Variants in CEP350 observed in about 807,000 individuals in gnomAD.
CEP350 encodes the protein centrosomal protein 350.
In CEP350, 126 loss-of-function variants were observed where a neutral mutation model predicts 331.8. The ratio of observed to expected loss-of-function variants is 0.38; its 90% CI spans 0.33 to 0.44. The LOEUF (loss-of-function observed/expected upper bound fraction) is 0.44, where lower values mean the gene tolerates loss of function less well. Among genes scored for constraint, CEP350 ranks in the 20% least tolerant of loss-of-function variants. The pLI is 1.00. For missense variants in CEP350, 3,406 were observed against 3,634.6 expected (o/e 0.94, Z 1.62); for synonymous variants, 1,200 against 1,259.5 (o/e 0.95, Z 1.00).
At chr1:180,034,127 A>T in intron 16 of CEP350, 45 bp downstream of exon 16, 4 of 1,563,108 alleles carry the variant, frequency 2.6e-6, no homozygotes, top group Non-Finnish European at 3.5e-6. Context: ...ACGATATGAA[A>T]TTTTTTTCTC....
intron 20 of CEP350, among the ~76,000 whole-genome samples, chr1:180,043,783 TG>T (rs1479225420): frequency 1.6e-5 from 2 of 127,516 alleles, no homozygotes; most frequent in Non-Finnish European, 3.8e-5. Context: ...TGTGTGTGTG[TG>T]TGTGTGTGTG....
intron 30 of CEP350, among the ~76,000 whole-genome samples, chr1:180,082,026 A>G (rs1009823641): frequency 2.0e-5 from 3 of 152,232 alleles, no homozygotes; most frequent in African/African-American, 7.2e-5. Flanking sequence ...ATAAACTTGA[A>G]TACTTGGAAA....
At position 180,020,201 on chromosome 1, in the gene CEP350, C is replaced by T. The variant is rs1199555286; in HGVS notation, c.2427C>T (p.Ala809=). 1 of 1,613,868 alleles carries T rather than the reference C, an allele frequency of 6.2e-7. No individual in the cohort carries two copies. The highest frequency in any genetic ancestry group is 2.2e-5 in the East Asian group (1 of 44,888). The part of the protein sequence containing the change: ...YVTSPAAYTD[A]LLKPSASQYK... ...CCTCACCAGCTGCTTATACAGATGC[C>T]TTGTTAAAACCTAGTGCCAGCCAAT... The change falls in exon 12 of 38, where the codon GCC becomes GCT. Residue 809 remains alanine, a synonymous_variant. Transcript: ENST00000367607.
intron 1 of CEP350, among the ~76,000 whole-genome samples, chr1:179,961,139 A>G (rs569012733): frequency 1.3e-5 from 2 of 152,284 alleles, no homozygotes; most frequent in East Asian, 1.9e-4. Flanking sequence ...TTCACTTTTC[A>G]AAGTTTTACT....
rs1489690537 is a variant in CEP350 at position 180,014,213 on chromosome 1, A to G, written c.1760A>G (p.Lys587Arg). 1 of 1,610,804 alleles carries G rather than the reference A, an allele frequency of 6.2e-7. No homozygotes were observed. The highest frequency in any genetic ancestry group is 2.2e-5 in the East Asian group (1 of 44,870). ...AATGAAGATCCCCCTGTTATTTCCA[A>G]AAGGCGCCACTATGACACAGATGAG... Reference protein sequence around the residue: ...TANEDPPVISKRRHYDTDEVR... With the variant: ...TANEDPPVISRRRHYDTDEVR... The change falls in exon 10 of 38, where the codon AAA becomes AGA. Residue 587 changes from lysine to arginine, a missense_variant. This residue lies in a region of CEP350 where 1,857 missense variants were observed against 1,909.2 expected (regional missense o/e 0.97). Transcript: ENST00000367607.
At chr1:180,002,475 AAAAAT>A (rs1653929822) in intron 6 of CEP350, among the ~76,000 whole-genome samples, 1 of 152,200 alleles carries the variant, frequency 6.6e-6, no homozygotes, top group Non-Finnish European at 1.5e-5. Context: ...CTATATCTCA[AAAAAT>A]AAAATAAAAT....
intron 37 of CEP350, among the ~76,000 whole-genome samples, chr1:180,107,249 A>G (rs951675390): frequency 7.2e-5 from 11 of 152,238 alleles, no homozygotes; most frequent in Non-Finnish European, 1.5e-4. Context: ...AAACAGATAC[A>G]CAGTATATAA....
chr1:179,974,661 G>A (rs968312115), intron 1 of CEP350, among the ~76,000 whole-genome samples: 1 of 152,170 alleles, frequency 6.6e-6, no homozygotes, highest in African/African-American at 2.4e-5. Flanking sequence ...TATGATATAT[G>A]TATGTGTGTA....
intron 11 of CEP350, among the ~76,000 whole-genome samples, chr1:180,017,456 C>G (rs1349456015): frequency 2.6e-5 from 4 of 152,188 alleles, no homozygotes; most frequent in Non-Finnish European, 4.4e-5. Context: ...CTATTGTTGT[C>G]AGACATACCC....
In CEP350 at chr1:180,014,472, G is replaced by A; in HGVS notation, c.2019G>A (p.Glu673=). Reference sequence around the variant, plus strand: ...TACTAGAAAAGACCTTGCTTGAAGAGCCATCTCATCAACATGTTACGCAGG... The same window carrying A: ...TACTAGAAAAGACCTTGCTTGAAGAACCATCTCATCAACATGTTACGCAGG... ...KLLLEKTLLE[E]PSHQHVTQET... Residue 673 remains glutamate (E), a synonymous_variant, in exon 10 of 38, where the codon GAG becomes GAA. Coordinates refer to ENST00000367607, the MANE Select transcript of CEP350 (RefSeq NM_014810.5). 1 of 1,608,630 alleles carries A rather than the reference G, an allele frequency of 6.2e-7. No homozygotes were observed. The highest frequency in any genetic ancestry group is 8.5e-7 in the Non-Finnish European group (1 of 1,178,060).
At chr1:180,039,418 T>C (rs1344472517) in intron 17 of CEP350, among the ~76,000 whole-genome samples, 1 of 152,196 alleles carries the variant, frequency 6.6e-6, no homozygotes, top group Non-Finnish European at 1.5e-5. Context: ...ATCTTTCATA[T>C]TTAAGTGTGT....
chr1:179,975,647 T>C (rs142383465), intron 1 of CEP350, among the ~76,000 whole-genome samples: 96 of 152,250 alleles, frequency 6.3e-4, no homozygotes, highest in African/African-American at 2.3e-3. Flanking sequence ...GAGATAGGAA[T>C]GTCAAAGATG....
chr1:180,106,567 GTTTTGT>G (rs1646758692), intron 37 of CEP350, among the ~76,000 whole-genome samples: 1 of 151,822 alleles, frequency 6.6e-6, no homozygotes, highest in Non-Finnish European at 1.5e-5. Flanking sequence ...ATGTTTCATG[GTTTTGT>G]TTTTGTTTTT....
At position 180,053,077 on chromosome 1, in the gene CEP350, C is replaced by T. The variant is rs1012208233; in HGVS notation, c.4900C>T (p.Arg1634Cys). The T allele has an allele frequency of 1.9e-6, 3 of 1,602,748 alleles. No homozygotes were observed. The highest frequency in any genetic ancestry group is 1.1e-5 in the South Asian group (1 of 90,234). Residue 1634 changes from arginine to cysteine, a missense_variant, in exon 23 of 38, where the codon CGC (arginine) becomes TGC (cysteine). By Grantham distance (180) the Arg-to-Cys change is radical. This residue lies in a region of CEP350 where 104 missense variants were observed against 143.3 expected (regional missense o/e 0.73). Transcript: ENST00000367607. ...ATCATTACTACCTTCAGAGAGTCAC[C>T]GCAGATTTAACATGGAAAAGAGAAG... Reference protein sequence around the residue: ...FRSLLPSESHRRFNMEKRRGH... With the variant: ...FRSLLPSESHCRFNMEKRRGH...
intron 1 of CEP350, among the ~76,000 whole-genome samples, chr1:179,970,004 C>T (rs117216010): frequency 1.3e-5 from 2 of 152,280 alleles, no homozygotes; most frequent in East Asian, 3.9e-4. Context: ...GAAAAGTACT[C>T]AGGATAACTA....
At chr1:180,054,363 G>C (rs1657689447) in intron 24 of CEP350, 52 bp from the exon 25 acceptor site, 1 of 1,385,236 alleles carries the variant, frequency 7.2e-7, no homozygotes, top group African/African-American at 1.4e-5. Flanking sequence ...ACATTATTCA[G>C]GTAAGAGAAA....
intron 25 of CEP350, among the ~76,000 whole-genome samples, chr1:180,059,244 C>T (rs567464552): frequency 2.6e-4 from 40 of 152,300 alleles, no homozygotes; most frequent in Middle Eastern, 3.4e-3. Flanking sequence ...TTTCACAGGT[C>T]TGGAAGGTCA....
Position 180,038,234 on chromosome 1 carries a change from G to A in CEP350, c.4110+1145G>A, listed in dbSNP as rs535673002. ...TGTTTTATCAGTAGTTTTTTGTTTT[G>A]TTTTGTTTTTTGGTGAGTAATATTC... On this transcript the variant is annotated intron_variant, in intron 17 of 37. Coordinates refer to ENST00000367607, the MANE Select transcript of CEP350 (RefSeq NM_014810.5). Among the ~76,000 whole-genome samples the A allele has an allele frequency of 3.9e-5, 6 of 151,996 alleles. No individual in the cohort carries two copies. The East Asian group carries it at 1.2e-3, about 29-fold the overall frequency.
chr1:180,107,035 T>C (rs1009451485), intron 37 of CEP350, among the ~76,000 whole-genome samples: 6 of 152,174 alleles, frequency 3.9e-5, no homozygotes, highest in Admixed American at 6.5e-5. Context: ...CTTCGTGTCA[T>C]TTCTAAAATT....
Sources: gnomAD v4.1 joint callset for allele counts (sites outside exome capture counted in the v4.1 genomes callset) on GRCh38, gnomAD v4.1.1 for gene constraint, gnomAD v4.1.1 regional missense constraint, MANE v1.5 for transcripts, NCBI Gene and HGNC (gene_info 2026-07-23, HGNC 2026-07-21) for gene names.